ROBO2: variants seen among roughly 807,000 people sequenced by gnomAD.
The protein encoded by ROBO2 is roundabout homolog 2.
A neutral mutation model predicts 160.8 loss-of-function variants in ROBO2; 53 were observed. The observed-to-expected ratio is 0.33, with a 90% CI of 0.26 to 0.41. The LOEUF (loss-of-function observed/expected upper bound fraction) is 0.41. Among genes scored for constraint, ROBO2 ranks in the 10% least tolerant of loss-of-function variants. The pLI is 1.00. For missense variants in ROBO2, 1,577 were observed against 1,722.4 expected, an observed-to-expected ratio of 0.92 and a Z score of 1.49; for synonymous variants, 664 against 611.7, an observed-to-expected ratio of 1.09 and a Z score of -1.26.
intron 2 of ROBO2, among the ~76,000 whole-genome samples, chr3:76,553,356 G>A (rs904367971): frequency 6.6e-6 from 1 of 152,084 alleles, no homozygotes; most frequent in African/African-American, 2.4e-5. Flanking sequence ...TCAAGGAGAC[G>A]ATAAATCATA....
At chr3:76,825,630 A>AAAAAAAAAAG (rs2066513908) in intron 2 of ROBO2, among the ~76,000 whole-genome samples, 1 of 138,934 alleles carries the variant, frequency 7.2e-6, no homozygotes. Flanking sequence ...AAAAAAAAAA[A>AAAAAAAAAAG]AATGAAGATG....
chr3:76,431,368 A>G (rs1325245305), intron 2 of ROBO2, among the ~76,000 whole-genome samples: 1 of 152,168 alleles, frequency 6.6e-6, no homozygotes, highest in Non-Finnish European at 1.5e-5. Flanking sequence ...GCCTTATAAT[A>G]TTAAGAAAAT....
chr3:76,181,237 A>G (rs1189309589), intron 2 of ROBO2, among the ~76,000 whole-genome samples: 1 of 152,162 alleles, frequency 6.6e-6, no homozygotes, highest in Non-Finnish European at 1.5e-5. Flanking sequence ...TTCCACAACA[A>G]AAAGTCAAAA....
intron 2 of ROBO2, among the ~76,000 whole-genome samples, chr3:76,089,319 T>C (rs1431627061): frequency 6.6e-6 from 1 of 151,982 alleles, no homozygotes; most frequent in African/African-American, 2.4e-5. Flanking sequence ...AAGGAAATAC[T>C]TTCAAACTCA....
At chr3:76,177,407 A>G (rs898796968) in intron 2 of ROBO2, among the ~76,000 whole-genome samples, 2 of 152,168 alleles carry the variant, frequency 1.3e-5, no homozygotes, top group Non-Finnish European at 2.9e-5. Flanking sequence ...AAAGAATTCA[A>G]TTCCACTTAA....
chr3:76,278,239 C>G (rs1377356900), intron 2 of ROBO2, among the ~76,000 whole-genome samples: 2 of 151,892 alleles, frequency 1.3e-5, no homozygotes, highest in African/African-American at 4.8e-5. Flanking sequence ...TGAGATATAT[C>G]TAAAGATCAA....
chr3:77,505,291 A>C (rs960406277), intron 5 of ROBO2, among the ~76,000 whole-genome samples: 1 of 152,172 alleles, frequency 6.6e-6, no homozygotes, highest in African/African-American at 2.4e-5. Context: ...TGTGTGAGTT[A>C]CACAAATATG....
intron 2 of ROBO2, among the ~76,000 whole-genome samples, chr3:76,879,665 TAGGTTGTATCC>T (rs1046148343): frequency 4.6e-5 from 7 of 152,088 alleles, no homozygotes; most frequent in Non-Finnish European, 7.4e-5. Flanking sequence ...AAATCTGCTA[TAGGTTGTATCC>T]AGAGTCATTA....
intron 2 of ROBO2, among the ~76,000 whole-genome samples, chr3:75,975,456 CTTTA>C (rs539256532): frequency 1.4e-4 from 21 of 151,188 alleles, no homozygotes; most frequent in South Asian, 1.0e-3. Flanking sequence ...TTCATCTACT[CTTTA>C]TTTATATATA....
intron 2 of ROBO2, among the ~76,000 whole-genome samples, chr3:76,060,392 A>G (rs1418280435): frequency 6.6e-6 from 1 of 152,214 alleles, no homozygotes; most frequent in Non-Finnish European, 1.5e-5. Flanking sequence ...AATCTTGAGT[A>G]ATATCTTACC....
intron 2 of ROBO2, among the ~76,000 whole-genome samples, chr3:76,938,573 T>C (rs935333027): frequency 5.3e-5 from 8 of 152,034 alleles, no homozygotes; most frequent in Non-Finnish European, 8.8e-5. Flanking sequence ...GGCCAGCTCA[T>C]AGTGAGACCA....
chr3:76,537,238 T>C (rs1350738626), intron 2 of ROBO2, among the ~76,000 whole-genome samples: 1 of 151,908 alleles, frequency 6.6e-6, no homozygotes, highest in Non-Finnish European at 1.5e-5. Context: ...GGGAACAAAG[T>C]GTAAAAAACA....
At chr3:76,228,643 TACA>T (rs1259565260) in intron 2 of ROBO2, among the ~76,000 whole-genome samples, 3 of 152,206 alleles carry the variant, frequency 2.0e-5, no homozygotes, top group Non-Finnish European at 2.9e-5. Context: ...TTTCATTATT[TACA>T]ACATTTTATT....
intron 2 of ROBO2, among the ~76,000 whole-genome samples, chr3:77,423,663 C>T (rs533720711): frequency 2.0e-5 from 3 of 152,162 alleles, no homozygotes; most frequent in Non-Finnish European, 4.4e-5. Context: ...ATGTGCCCAG[C>T]ATTTTTGCTG....
chr3:76,754,305 A>AC lies in ROBO2; in HGVS notation c.110-343709_110-343708insC, dbSNP rs147377500. On this transcript the variant is annotated intron_variant, in intron 2 of 26. Coordinates refer to the ROBO2 transcript ENST00000487694. ...AAATAGCTTTTGAAGGTGTACTTTGAAAGACACGAAATATTCTGTATATTA... is the reference window on the plus strand; with the variant it reads ...AAATAGCTTTTGAAGGTGTACTTTGACAAGACACGAAATATTCTGTATATTA... Among the ~76,000 whole-genome samples, 1,049 of 152,042 alleles carry AC rather than the reference A, an allele frequency of 6.9e-3. 13 individuals are homozygous for AC. Among genetic ancestry groups the AC allele is most frequent in the African/African-American group, 0.024 (981 of 41,524 alleles).
At chr3:77,463,372 C>T (rs998218779) in intron 2 of ROBO2, among the ~76,000 whole-genome samples, 1 of 151,956 alleles carries the variant, frequency 6.6e-6, no homozygotes, top group African/African-American at 2.4e-5. Context: ...TTGGGAAGAA[C>T]CATGGATATT....
intron 2 of ROBO2, among the ~76,000 whole-genome samples, chr3:75,988,546 T>G (rs1247667055): frequency 6.6e-6 from 1 of 152,114 alleles, no homozygotes; most frequent in Non-Finnish European, 1.5e-5. Context: ...TTTGTTCTTC[T>G]TTTTCTAGTT....
intron 2 of ROBO2, among the ~76,000 whole-genome samples, chr3:76,304,204 T>C (rs926207927): frequency 2.0e-5 from 3 of 152,188 alleles, no homozygotes; most frequent in Non-Finnish European, 2.9e-5. Flanking sequence ...AAACAAGCAA[T>C]GTTTCTCTTG....
intron 2 of ROBO2, chr3:76,435,133 T>A (rs2076612148): frequency 2.0e-6 from 2 of 983,884 alleles, no homozygotes; most frequent in Non-Finnish European, 3.3e-6. Context: ...TGTAAGAAGC[T>A]TGGTCTGGTA....
Sources: gnomAD v4.1 joint callset for allele counts (sites outside exome capture counted in the v4.1 genomes callset) on GRCh38, gnomAD v4.1.1 for gene constraint, MANE v1.5 for transcripts, NCBI Gene and HGNC (gene_info 2026-07-23, HGNC 2026-07-21) for gene names.